SV2C: variants seen among roughly 807,000 people sequenced by gnomAD.
SV2C encodes solute carrier family 22 member B3.
In SV2C, 49 loss-of-function variants were observed where a neutral mutation model predicts 79.7. The observed-to-expected ratio is 0.61, with a 90% CI of 0.49 to 0.78. The LOEUF (loss-of-function observed/expected upper bound fraction) is 0.78. Among genes scored for constraint, SV2C ranks in the 30% least tolerant of loss-of-function variants. The probability of loss-of-function intolerance (pLI) is 0.00; values close to 1 mark genes in which losing one functional copy is unlikely to be tolerated. For missense variants in SV2C, 833 were observed against 912.9 expected, an observed-to-expected ratio of 0.91 and a Z score of 1.13; for synonymous variants, 334 against 333.2, an observed-to-expected ratio of 1.00 and a Z score of -0.03.
intron 9 of SV2C, among the ~76,000 whole-genome samples, chr5:76,297,028 A>G (rs1747795009): frequency 6.6e-6 from 1 of 152,214 alleles, no homozygotes; most frequent in Non-Finnish European, 1.5e-5. Context: ...TGTCTCTGAC[A>G]GTCATATTTT....
chr5:76,265,658 G>A (rs1746628461), intron 4 of SV2C, among the ~76,000 whole-genome samples: 1 of 152,158 alleles, frequency 6.6e-6, no homozygotes, highest in Non-Finnish European at 1.5e-5. Flanking sequence ...CATGAGAAAA[G>A]CGTAGTATCT....
At chr5:76,231,212 T>G (rs1170429059) in intron 4 of SV2C, among the ~76,000 whole-genome samples, 1 of 152,210 alleles carries the variant, frequency 6.6e-6, no homozygotes, top group Non-Finnish European at 1.5e-5. Context: ...TCACTAAAGT[T>G]TATTCTTCAT....
At chr5:75,861,764 T>C in the SV2C span, among the ~76,000 whole-genome samples, 12 of 152,132 alleles carry the variant, frequency 7.9e-5, no homozygotes, top group Non-Finnish European at 1.0e-4. Context: ...GAGCTAAACA[T>C]TGGGTACTCA....
chr5:76,115,043 CA>C (rs1748218700), intron 1 of SV2C, among the ~76,000 whole-genome samples: 1 of 152,130 alleles, frequency 6.6e-6, no homozygotes, highest in South Asian at 2.1e-4. Context: ...TATGGGAGCC[CA>C]AGTATGTGTC....
intron 4 of SV2C, among the ~76,000 whole-genome samples, chr5:76,248,007 C>T (rs762976366): frequency 3.3e-5 from 5 of 152,104 alleles, no homozygotes; most frequent in African/African-American, 4.8e-5. Context: ...AAATTAATTG[C>T]CCAAAACCTG....
chr5:75,993,628 T>C, the SV2C span, among the ~76,000 whole-genome samples: 2 of 152,084 alleles, frequency 1.3e-5, no homozygotes, highest in African/African-American at 4.8e-5. Flanking sequence ...TATATTTCCC[T>C]GAAACTTTGC....
At chr5:75,916,335 TCCC>T in the SV2C span, among the ~76,000 whole-genome samples, 50,059 of 113,402 alleles carry the variant, frequency 0.44, 11,204 homozygotes, top group East Asian at 0.63. Context: ...CTCCTCTTCT[TCCC>T]CCCTTCTTCC....
the SV2C span, among the ~76,000 whole-genome samples, chr5:75,972,297 G>A: frequency 2.5e-4 from 38 of 152,006 alleles, no homozygotes; most frequent in African/African-American, 8.7e-4. Context: ...CACCAAAAGC[G>A]ATGGACAACA....
intron 1 of SV2C, among the ~76,000 whole-genome samples, chr5:76,089,485 A>G (rs755999777): frequency 2.2e-4 from 33 of 152,220 alleles, no homozygotes; most frequent in Non-Finnish European, 3.7e-4. Flanking sequence ...ACTGCAATGA[A>G]CATACATGTG....
At chr5:76,306,683 A>G (rs568285142) in intron 12 of SV2C, among the ~76,000 whole-genome samples, 149 of 152,362 alleles carry the variant, frequency 9.8e-4, no homozygotes, top group Non-Finnish European at 1.6e-3. Context: ...CCATAGGCAC[A>G]TATAAATGAT....
the SV2C span, among the ~76,000 whole-genome samples, chr5:76,009,820 G>A: frequency 4.6e-5 from 7 of 152,100 alleles, no homozygotes; most frequent in Non-Finnish European, 8.8e-5. Context: ...GCACCTTGAT[G>A]ATGGGATCAT....
the SV2C span, among the ~76,000 whole-genome samples, chr5:75,861,889 A>G: frequency 1.3e-5 from 2 of 152,200 alleles, no homozygotes. Flanking sequence ...CTGGGTGATG[A>G]GTTCAATCAC....
chr5:76,308,322 A>G (rs1295692133), intron 12 of SV2C, among the ~76,000 whole-genome samples: 1 of 152,168 alleles, frequency 6.6e-6, no homozygotes, highest in Non-Finnish European at 1.5e-5. Context: ...GATCATGGAT[A>G]CCATGGGAGG....
In SV2C at chr5:76,132,098, G is replaced by A. The variant is rs1748915387; in HGVS notation, c.348G>A (p.Glu116=). Residue 116 remains glutamate, a synonymous_variant, in exon 2 of 13, where the codon GAG becomes GAA. Transcript: ENST00000502798. ...CAGTGGGGCAGCCCAAGGGCGATGA[G>A]TACAAGGACCGGCGGGAGCTGGAAT... ...IVSVGQPKGD[E]YKDRRELESE... is the part of the protein sequence containing the mutation. 1.9e-6 allele frequency: 3 copies of A among 1,613,878 alleles called. No homozygotes were observed. Among genetic ancestry groups the A allele is most frequent in the Non-Finnish European group, 2.5e-6 (3 of 1,179,912 alleles).
intron 12 of SV2C, among the ~76,000 whole-genome samples, chr5:76,314,444 A>G (rs567865610): frequency 4.0e-5 from 6 of 151,762 alleles, no homozygotes; most frequent in South Asian, 2.1e-4. Flanking sequence ...TACTTCATCA[A>G]CAAAGTGGAG....
the SV2C span, among the ~76,000 whole-genome samples, chr5:75,995,675 T>C: frequency 6.6e-6 from 1 of 152,128 alleles, no homozygotes; most frequent in African/African-American, 2.4e-5. Flanking sequence ...ATGCTTTGAC[T>C]CGATCTAAGT....
chr5:76,330,557 C>T lies in SV2C; in HGVS notation c.*5010C>T, dbSNP rs3097132. 9,672 of 67,838 alleles carry T rather than the reference C, an allele frequency of 0.14. 417 individuals carry two copies. Among genetic ancestry groups the T allele is most frequent in the Middle Eastern group, 0.22 (22 of 102 alleles). 4.2% of individuals were successfully genotyped at this position (67,838 alleles called of 1,614,324 possible). A position where few individuals can be genotyped will look rare whatever the true frequency, so the allele number is the denominator to read the frequency against. On this transcript the variant is annotated 3_prime_UTR_variant, in exon 13 of 13. Coordinates refer to ENST00000502798, the MANE Select transcript of SV2C (RefSeq NM_014979.4). The stretch of plus-strand genomic sequence containing the variant: ...ACCCCCATTACATGTGAACCCTCCG[C>T]GCCCCCCCCCATAAATACAAAGTGT...
chr5:75,979,353 A>T, the SV2C span, among the ~76,000 whole-genome samples: 61 of 152,060 alleles, frequency 4.0e-4, no homozygotes, highest in East Asian at 0.011. Context: ...AATATTCATG[A>T]CCTGAACTCA....
At chr5:75,879,491 G>A in the SV2C span, among the ~76,000 whole-genome samples, 3 of 152,226 alleles carry the variant, frequency 2.0e-5, no homozygotes, top group Non-Finnish European at 4.4e-5. Context: ...CAGAAGGGTA[G>A]TCCTTAAGTC....
Sources: gnomAD v4.1 joint callset for allele counts (sites outside exome capture counted in the v4.1 genomes callset) on GRCh38, gnomAD v4.1.1 for gene constraint, MANE v1.5 for transcripts, NCBI Gene and HGNC (gene_info 2026-07-23, HGNC 2026-07-21) for gene names.